Variants in KIAA0586 observed in about 807,000 individuals in gnomAD.
KIAA0586 encodes protein TALPID3.
A neutral mutation model predicts 169.8 loss-of-function variants in KIAA0586; 144 were observed. The observed-to-expected ratio is 0.85, with a 90% confidence interval of 0.74 to 0.97. The LOEUF (loss-of-function observed/expected upper bound fraction) is 0.97. Among genes scored for constraint, KIAA0586 ranks in the 50% least tolerant of loss-of-function variants. The probability of loss-of-function intolerance (pLI) is 0.00; values close to 1 mark genes in which losing one functional copy is unlikely to be tolerated. For missense variants in KIAA0586, 1,854 were observed against 1,823.0 expected, an observed-to-expected ratio of 1.02 and a Z score of -0.31; for synonymous variants, 625 against 612.4, an observed-to-expected ratio of 1.02 and a Z score of -0.30.
At chr14:58,461,695 T>C (rs1362728396) in intron 14 of KIAA0586, among the ~76,000 whole-genome samples, 2 of 152,160 alleles carry the variant, frequency 1.3e-5, no homozygotes, top group Non-Finnish European at 2.9e-5. Context: ...TCTAGGAAAG[T>C]AGACATTTTC....
At position 58,487,028 on chromosome 14, in the gene KIAA0586, C is replaced by G. The variant is rs1617510; in HGVS notation, c.3166C>G (p.Pro1056Ala). The G allele has an allele frequency of 1, 1,605,100 of 1,611,700 alleles. 799,473 individuals are homozygous for G. The highest frequency in any genetic ancestry group is 1 in the East Asian group (44,848 of 44,850). The part of the protein sequence containing the change: ...YLPARVCTPL[P>A]TPQPTPPCSP... ...TTAGGCAAGAGTGTGCACCCCACTG[C>G]CTACCCCACAGCCTACGCCTCCTTG... Residue 1056 changes from proline to alanine, a missense_variant, in exon 22 of 31, where the codon CCT becomes GCT. Transcript: ENST00000652326.
the KIAA0586 span, among the ~76,000 whole-genome samples, chr14:58,559,232 C>A: frequency 1.3e-5 from 2 of 152,220 alleles, no homozygotes; most frequent in Non-Finnish European, 2.9e-5. Flanking sequence ...AGTCTGTATG[C>A]AGATATTGGG....
Position 58,432,584 on chromosome 14 carries a change from C to G in KIAA0586, c.410+127C>G, listed in dbSNP as rs575972798. The G allele has an allele frequency of 6.3e-5, 35 of 556,948 alleles. No individual in the cohort carries two copies. The African/African-American group carries it at 6.7e-4, about 11-fold the overall frequency. The allele number at this position is 556,948 out of a possible 1,614,324, so 34.5% of individuals were successfully genotyped here. A position where few individuals can be genotyped will look rare whatever the true frequency, so the allele number is the denominator to read the frequency against. ...ATTGTGTGATATGTATAAAGCATTTCTCATGGTGCTAGACACGTATAAAAT... is the reference window on the plus strand; with the variant it reads ...ATTGTGTGATATGTATAAAGCATTTGTCATGGTGCTAGACACGTATAAAAT... On this transcript the variant is annotated intron_variant, in intron 4 of 30. Transcript: ENST00000652326.
chr14:58,482,610 T>G lies in KIAA0586; in HGVS notation c.3042T>G (p.Ala1014=). The change falls in exon 21 of 31, where the codon GCT becomes GCG. Residue 1014 remains alanine, a synonymous_variant. Coordinates refer to ENST00000652326, the MANE Select transcript of KIAA0586 (RefSeq NM_001329943.3). ...AACATTTTGTTAACGAAGCTCTTGC[T>G]GAGACCATTGCTGTCATGCTGGGTG... ...VIKHFVNEAL[A]ETIAVMLGDR... 6.2e-7 allele frequency: 1 copy of G among 1,609,666 alleles called. No homozygotes were observed.
chr14:58,434,906 C>T (rs754514757), intron 4 of KIAA0586, among the ~76,000 whole-genome samples: 1 of 151,800 alleles, frequency 6.6e-6, no homozygotes, highest in Non-Finnish European at 1.5e-5. Context: ...CTAACCGCCC[C>T]CCCGCCAGAG....
chr14:58,551,488 G>A (rs1025547742), downstream of KIAA0586, among the ~76,000 whole-genome samples: 1 of 151,928 alleles, frequency 6.6e-6, no homozygotes, highest in Non-Finnish European at 1.5e-5. Flanking sequence ...CTGGCAGGGC[G>A]CAGTGGTTCA....
At chr14:58,502,087 C>A (rs2043608157) in intron 27 of KIAA0586, among the ~76,000 whole-genome samples, 1 of 152,140 alleles carries the variant, frequency 6.6e-6, no homozygotes, top group African/African-American at 2.4e-5. Context: ...TGGTAGCAGA[C>A]ATCTCCCAAG....
At chr14:58,474,855 G>A (rs2041487357) in intron 19 of KIAA0586, 58 bp downstream of exon 19, 2 of 1,204,024 alleles carry the variant, frequency 1.7e-6, no homozygotes, top group East Asian at 2.5e-5. Context: ...TAAATGGAAA[G>A]TATTAAAATG....
chr14:58,556,819 C>G, the KIAA0586 span, among the ~76,000 whole-genome samples: 1 of 152,162 alleles, frequency 6.6e-6, no homozygotes, highest in African/African-American at 2.4e-5. Context: ...GATCTCGGCT[C>G]ACTGCAACCT....
chr14:58,531,716 A>G (rs2045980274), intron 29 of KIAA0586, among the ~76,000 whole-genome samples: 1 of 152,244 alleles, frequency 6.6e-6, no homozygotes, highest in South Asian at 2.1e-4. Context: ...TCATTCTGCT[A>G]TAAAGACACA....
intron 29 of KIAA0586, among the ~76,000 whole-genome samples, chr14:58,525,047 T>A (rs1382422674): frequency 6.6e-6 from 1 of 152,074 alleles, no homozygotes; most frequent in Non-Finnish European, 1.5e-5. Context: ...TTCTAGGAAA[T>A]CTCTCCTTTT....
chr14:58,543,517 T>C (rs2046795495), intron 30 of KIAA0586, among the ~76,000 whole-genome samples: 1 of 152,160 alleles, frequency 6.6e-6, no homozygotes, highest in Non-Finnish European at 1.5e-5. Flanking sequence ...CCCCTCTGCC[T>C]TTTACTCCTT....
At position 58,488,108 on chromosome 14, in the gene KIAA0586, A is replaced by G. The variant is rs777965178; in HGVS notation, c.3526A>G (p.Ile1176Val). ...SPQEELHPRA[I>V]VMSVAKDEEP... ...TCAAGAAGAACTTCATCCAAGAGCT[A>G]TGTAAATGAGAACATACTCACTAGT... Residue 1176 changes from isoleucine (I) to valine (V), a missense_variant and splice_region_variant, in exon 23 of 31, where the codon ATT becomes GTT. Physicochemically the swap from Ile to Val is conservative, Grantham distance 29 (BLOSUM62 3). Coordinates refer to ENST00000652326, the MANE Select transcript of KIAA0586 (RefSeq NM_001329943.3). 1.8e-5 allele frequency: 29 copies of G among 1,585,062 alleles called. 1 individual carries two copies. In the South Asian group the frequency reaches 2.5e-4, roughly 14 times the overall value.
chr14:58,547,253 A>C (rs10132077), intron 30 of KIAA0586, among the ~76,000 whole-genome samples: 36,834 of 151,948 alleles, frequency 0.24, 4,549 homozygotes, highest in Middle Eastern at 0.33. Context: ...TAATGGTAAC[A>C]GTAGTAATAA....
At chr14:58,490,449 G>A (rs1462669995) in intron 25 of KIAA0586, among the ~76,000 whole-genome samples, 2 of 152,010 alleles carry the variant, frequency 1.3e-5, no homozygotes, top group Non-Finnish European at 2.9e-5. Context: ...AACCCTCGTG[G>A]CTCTAGTAGT....
chr14:58,434,901 C>T (rs1400902987), intron 4 of KIAA0586, among the ~76,000 whole-genome samples: 4 of 151,584 alleles, frequency 2.6e-5, no homozygotes, highest in Non-Finnish European at 5.9e-5. Flanking sequence ...TCCCCCTAAC[C>T]GCCCCCCCGC....
At chr14:58,532,132 A>G (rs190288113) in intron 29 of KIAA0586, among the ~76,000 whole-genome samples, 48 of 152,110 alleles carry the variant, frequency 3.2e-4, no homozygotes, top group Non-Finnish European at 5.6e-4. Context: ...GTGTGTACCT[A>G]TGTAACAAAC....
chr14:58,554,917 ACCTT>A (rs2047234244), downstream of KIAA0586, among the ~76,000 whole-genome samples: 1 of 151,932 alleles, frequency 6.6e-6, no homozygotes, highest in Admixed American at 6.6e-5. Context: ...TTCTTTTTTT[ACCTT>A]TCCTGAATGG....
chr14:58,510,109 G>A (rs1305964559), intron 28 of KIAA0586, among the ~76,000 whole-genome samples: 1 of 152,284 alleles, frequency 6.6e-6, no homozygotes, highest in Non-Finnish European at 1.5e-5. Flanking sequence ...GGTGGCTCAC[G>A]CCTGTAATCC....
Sources: allele counts gnomAD v4.1 joint callset (sites outside exome capture counted in the v4.1 genomes callset), GRCh38; gene constraint gnomAD v4.1.1; transcripts MANE v1.5; gene names NCBI Gene and HGNC (gene_info 2026-07-23, HGNC 2026-07-21).